UGT1A6: variants seen among roughly 807,000 people sequenced by gnomAD.
UGT1A6 encodes the protein UDP-glucuronosyltransferase 1A6.
In UGT1A6, 32 loss-of-function variants were observed where a neutral mutation model predicts 44.4. That is an observed-to-expected ratio of 0.72 (90% CI 0.54 to 0.97). The LOEUF (loss-of-function observed/expected upper bound fraction) is 0.97, where lower values mean the gene tolerates loss of function less well. UGT1A6 is among the 50% of genes least tolerant of loss of function. The probability of loss-of-function intolerance (pLI) is 0.00; values close to 1 mark genes in which losing one functional copy is unlikely to be tolerated. For missense variants in UGT1A6, 685 were observed against 661.9 expected (o/e 1.03, Z -0.38); for synonymous variants, 238 against 248.5 (o/e 0.96, Z 0.40).
chr2:233,728,193 T>C (rs906466862), intron 1 of UGT1A6, among the ~76,000 whole-genome samples: 7 of 152,224 alleles, frequency 4.6e-5, no homozygotes, highest in African/African-American at 1.7e-4. Context: ...AACTTGGTGC[T>C]GGATTGACTT....
chr2:233,755,205 G>A, intron 1 of UGT1A6: 1 of 1,079,938 alleles, frequency 9.3e-7, no homozygotes, highest in Non-Finnish European at 1.3e-6. Flanking sequence ...CTTGCGGTAC[G>A]CCTTCTTGAT....
Position 233,709,056 on chromosome 2 carries a change from CTAGT to C in UGT1A6, c.861+15194_861+15197del, listed in dbSNP as rs375017824. On this transcript the variant is annotated intron_variant, in intron 1 of 4. Transcript: ENST00000305139. ...AGCCTGAGTTCTTTTCCCAGGATTC[CTAGT>C]TAAAGTTCTTCTGCCTCATTGGCTC... Among the ~76,000 whole-genome samples, 333 of 152,198 alleles carry C rather than the reference CTAGT, an allele frequency of 2.2e-3. 1 individual carries two copies. Among genetic ancestry groups the C allele is most frequent in the African/African-American group, 7.5e-3 (310 of 41,542 alleles).
chr2:233,733,760 A>C (rs2078435116), intron 1 of UGT1A6, among the ~76,000 whole-genome samples: 1 of 152,132 alleles, frequency 6.6e-6, no homozygotes, highest in Non-Finnish European at 1.5e-5. Flanking sequence ...ATTTGTCTAA[A>C]ATTTTCTTTT....
intron 1 of UGT1A6, chr2:233,721,856 C>T (rs902057829): frequency 1.4e-5 from 7 of 510,102 alleles, no homozygotes; most frequent in South Asian, 4.2e-5. Context: ...CCCCACTGCT[C>T]GGCCCTGGGC....
chr2:233,716,515 C>G (rs915755081), intron 1 of UGT1A6, among the ~76,000 whole-genome samples: 1 of 152,192 alleles, frequency 6.6e-6, no homozygotes, highest in Admixed American at 6.5e-5. Flanking sequence ...GAGCTCTCAG[C>G]TTACCATTCA....
At chr2:233,755,424 C>G (rs976220166) in intron 1 of UGT1A6, 2 of 319,210 alleles carry the variant, frequency 6.3e-6, no homozygotes, top group Non-Finnish European at 1.2e-5. Flanking sequence ...GTGAGCGCCT[C>G]GCATCCCAAG....
At chr2:233,709,130 G>C (rs569076662) in intron 1 of UGT1A6, among the ~76,000 whole-genome samples, 1 of 152,068 alleles carries the variant, frequency 6.6e-6, no homozygotes, top group African/African-American at 2.4e-5. Flanking sequence ...TGGTGGCCAA[G>C]GGGATGAGAC....
chr2:233,769,877 A>C lies in UGT1A6; in HGVS notation c.1301+1438A>C, dbSNP rs890697630. 4.7e-6 allele frequency: 2 copies of C among 421,450 alleles called. No homozygotes were observed. The highest frequency in any genetic ancestry group is 2.0e-5 in the African/African-American group (1 of 48,974). 26.1% of individuals were successfully genotyped at this position (421,450 alleles called of 1,614,324 possible). A position where few individuals can be genotyped will look rare whatever the true frequency, so the allele number is the denominator to read the frequency against. ...TGTCTCAAAAAAAAAAAAAAAAATG[A>C]AAAGTCCACATAACCTGAGCATCAT... is the stretch of plus-strand genomic sequence containing the variant. On this transcript the variant is annotated intron_variant, in intron 4 of 4. Transcript: ENST00000305139. This position sits in a 1 kb window ranked among gnomAD's most constrained non-coding sequence, Gnocchi z 4.4.
chr2:233,714,464 G>T (rs1484819290), intron 1 of UGT1A6, among the ~76,000 whole-genome samples: 2 of 152,160 alleles, frequency 1.3e-5, no homozygotes, highest in African/African-American at 2.4e-5. Context: ...GTGTTGGATT[G>T]TAATAGGAGA....
intron 1 of UGT1A6, among the ~76,000 whole-genome samples, chr2:233,706,103 A>AC (rs954125060): frequency 2.0e-5 from 3 of 152,178 alleles, no homozygotes; most frequent in South Asian, 4.2e-4. Flanking sequence ...TTAAAAAAAA[A>AC]CCAAGAATTT....
chr2:233,767,827 C>T (rs1252355867), intron 2 of UGT1A6, 22 bp from the exon 3 acceptor site: 1 of 1,614,176 alleles, frequency 6.2e-7, no homozygotes, highest in Non-Finnish European at 8.5e-7. Flanking sequence ...TCTTTACGTT[C>T]TGCTCTTTTT....
chr2:233,704,587 GAAGA>G (rs1243475624), intron 1 of UGT1A6, among the ~76,000 whole-genome samples: 1 of 152,074 alleles, frequency 6.6e-6, no homozygotes, highest in Admixed American at 6.5e-5. Context: ...GAATCAGAGA[GAAGA>G]AAGAAGAGCA....
chr2:233,729,525 T>C (rs763371606), intron 1 of UGT1A6: 3 of 1,614,216 alleles, frequency 1.9e-6, no homozygotes, highest in Non-Finnish European at 2.5e-6. Context: ...AGCTACTACA[T>C]AATGAGGCCC....
intron 1 of UGT1A6, among the ~76,000 whole-genome samples, chr2:233,694,225 A>T (rs1242026772): frequency 6.6e-6 from 1 of 152,116 alleles, no homozygotes; most frequent in African/African-American, 2.4e-5. Context: ...ACTCTGTCCC[A>T]TGCTTTGTCT....
intron 1 of UGT1A6, among the ~76,000 whole-genome samples, chr2:233,709,397 A>G (rs2076074225): frequency 6.6e-6 from 1 of 152,196 alleles, no homozygotes; most frequent in Non-Finnish European, 1.5e-5. Context: ...TTAATAATCT[A>G]TGGGTGAACA....
chr2:233,736,519 G>A (rs746723553), intron 1 of UGT1A6, among the ~76,000 whole-genome samples: 27 of 152,186 alleles, frequency 1.8e-4, no homozygotes, highest in African/African-American at 5.3e-4. Context: ...CTGTCAACTC[G>A]TCAAAGTCAT....
At chr2:233,756,818 C>T (rs1022493170) in intron 1 of UGT1A6, among the ~76,000 whole-genome samples, 38 of 151,930 alleles carry the variant, frequency 2.5e-4, no homozygotes, top group Admixed American at 5.2e-4. Flanking sequence ...CACTCAATTC[C>T]AAGGGGAAAA....
chr2:233,708,241 G>A (rs1272155172), intron 1 of UGT1A6, among the ~76,000 whole-genome samples: 1 of 152,164 alleles, frequency 6.6e-6, no homozygotes, highest in Non-Finnish European at 1.5e-5. Flanking sequence ...CAATGTATAA[G>A]TGTACACTTT....
intron 1 of UGT1A6, among the ~76,000 whole-genome samples, chr2:233,757,541 T>TATACATATACATAC (rs1229454769): frequency 8.5e-6 from 1 of 117,592 alleles, no homozygotes; most frequent in Admixed American, 8.1e-5. Context: ...AAGGAATATA[T>TATACATATACATAC]ATATATATAT....
Sources: gnomAD v4.1 joint callset for allele counts (sites outside exome capture counted in the v4.1 genomes callset) on GRCh38, gnomAD v4.1.1 for gene constraint, Gnocchi (gnomAD v3.1) non-coding constraint, MANE v1.5 for transcripts, NCBI Gene and HGNC (gene_info 2026-07-23, HGNC 2026-07-21) for gene names.